Variants in FBXO28 observed in about 807,000 individuals in gnomAD.
FBXO28 encodes the protein F-box protein 28.
In FBXO28, 8 loss-of-function variants were observed where a neutral mutation model predicts 38.1. The ratio of observed to expected loss-of-function variants is 0.21; its 90% CI spans 0.12 to 0.38. The LOEUF (loss-of-function observed/expected upper bound fraction) is 0.38, where lower values mean the gene tolerates loss of function less well. Among genes scored for constraint, FBXO28 ranks in the 10% least tolerant of loss-of-function variants. The pLI, the probability that FBXO28 is intolerant of heterozygous loss-of-function variation, is 1.00. For synonymous variants in FBXO28, 168 were observed against 173.8 expected (o/e 0.97, Z 0.26); for missense variants, 345 against 460.6 (o/e 0.75, Z 2.30).
chr1:224,141,485 AAG>A (rs1323625697), intron 3 of FBXO28, among the ~76,000 whole-genome samples: 50 of 152,038 alleles, frequency 3.3e-4, no homozygotes, highest in Non-Finnish European at 5.6e-4. Flanking sequence ...AAAAAAAAAA[AAG>A]ATGCAATCAT....
In FBXO28 at chr1:224,114,188, G is replaced by A. The variant is rs1168143197; in HGVS notation, c.59G>A (p.Gly20Asp). Residue 20 changes from glycine (G) to aspartate (D), a missense_variant, in exon 1 of 5, where the codon GGC becomes GAC. Around this residue, in one of 6 missense-constraint regions of FBXO28, gnomAD observed 104 missense variants for 82.0 expected, o/e 1.27. Transcript: ENST00000366862. ...AEEGGGGQGD[G>D]GSSLASGSTQ... ...GAAGGAGGCGGCGGCCAAGGCGACGGCGGTTCCTCTTTGGCCTCCGGCTCT... is the reference window on the plus strand; with the variant it reads ...GAAGGAGGCGGCGGCCAAGGCGACGACGGTTCCTCTTTGGCCTCCGGCTCT... The A allele has an allele frequency of 6.5e-7, 1 of 1,547,828 alleles. No homozygotes were observed. Among genetic ancestry groups the A allele is most frequent in the South Asian group, 1.2e-5 (1 of 83,922 alleles).
At chr1:224,127,922 A>G (rs1041904858) in intron 1 of FBXO28, among the ~76,000 whole-genome samples, 2 of 152,126 alleles carry the variant, frequency 1.3e-5, no homozygotes, top group Admixed American at 1.3e-4. Context: ...ACAAACAAAC[A>G]TTATTTATTA....
At chr1:224,132,639 C>T (rs1558190199) in intron 2 of FBXO28, among the ~76,000 whole-genome samples, 1 of 152,016 alleles carries the variant, frequency 6.6e-6, no homozygotes, top group Non-Finnish European at 1.5e-5. Context: ...AACCCAGTCT[C>T]TACTAAAATA....
chr1:224,129,717 C>G (rs573142776), intron 1 of FBXO28, among the ~76,000 whole-genome samples: 1 of 152,090 alleles, frequency 6.6e-6, no homozygotes, highest in Admixed American at 6.6e-5. Flanking sequence ...AGGCTGGGCA[C>G]GGTGGCTCAC....
chr1:224,134,423 AAT>A lies in FBXO28; in HGVS notation c.516+214_516+215del. The A allele has an allele frequency of 7.2e-6, 3 of 415,462 alleles. No individual in the cohort carries two copies. In the South Asian group the frequency reaches 1.1e-4, roughly 15 times the overall value. The allele number at this position is 415,462 out of a possible 1,614,324, so 25.7% of individuals were successfully genotyped here. The stretch of plus-strand genomic sequence containing the variant: ...CTAATTATGAAATAGTCGAAACCCT[AAT>A]ATTCTTTAGAGAAGTTTTTTAAGAG... On this transcript the variant is annotated intron_variant, in intron 3 of 4. Coordinates refer to ENST00000366862, the MANE Select transcript of FBXO28 (RefSeq NM_015176.4).
chr1:224,118,643 AG>A (rs1478499676), intron 1 of FBXO28, among the ~76,000 whole-genome samples: 1 of 152,168 alleles, frequency 6.6e-6, no homozygotes, highest in Non-Finnish European at 1.5e-5. Flanking sequence ...CAAATATGTT[AG>A]AAAATTTTAG....
At chr1:224,146,388 A>C (rs1657504847) in intron 3 of FBXO28, among the ~76,000 whole-genome samples, 1 of 152,156 alleles carries the variant, frequency 6.6e-6, no homozygotes, top group East Asian at 1.9e-4. Flanking sequence ...TGAGAAAAAA[A>C]TGAGCATTTA....
At position 224,130,393 on chromosome 1, in the gene FBXO28, G is replaced by T. The variant is rs1206995941; in HGVS notation, c.268-79G>T. 4.1e-5 allele frequency: 37 copies of T among 898,306 alleles called. 2 individuals carry two copies. In the Admixed American group the frequency reaches 6.8e-4, roughly 16 times the overall value. 55.6% of individuals were successfully genotyped at this position (898,306 alleles called of 1,614,324 possible). A position where few individuals can be genotyped will look rare whatever the true frequency, so the allele number is the denominator to read the frequency against. ...GAGGAATAATAGTGGGATACAGAGA[G>T]CTTTAAGCCATCAGTTATGAGTCTC... On this transcript the variant is annotated intron_variant, in intron 1 of 4. Coordinates refer to ENST00000366862, the MANE Select transcript of FBXO28 (RefSeq NM_015176.4).
At chr1:224,155,610 T>C (rs1657755610) in intron 4 of FBXO28, among the ~76,000 whole-genome samples, 1 of 152,238 alleles carries the variant, frequency 6.6e-6, no homozygotes. Flanking sequence ...TGTCCCTAAC[T>C]CTGGCAAGTA....
chr1:224,138,227 C>CA (rs559462402), intron 3 of FBXO28, among the ~76,000 whole-genome samples: 2,116 of 148,746 alleles, frequency 0.014, 66 homozygotes, highest in African/African-American at 0.041. Context: ...GACCCTGCCA[C>CA]AAAAAAAAAG....
chr1:224,138,288 C>CT (rs1167643819), intron 3 of FBXO28, among the ~76,000 whole-genome samples: 2 of 151,676 alleles, frequency 1.3e-5, no homozygotes, highest in Non-Finnish European at 2.9e-5. Flanking sequence ...AATCAGCAAA[C>CT]TTTTTTTGGT....
chr1:224,152,039 C>A (rs1397559420), intron 3 of FBXO28, among the ~76,000 whole-genome samples: 2 of 131,224 alleles, frequency 1.5e-5, no homozygotes, highest in African/African-American at 2.7e-5. Flanking sequence ...GAGACTCCAT[C>A]TTAAAAAAAA....
chr1:224,137,477 C>G (rs1248101186), intron 3 of FBXO28, among the ~76,000 whole-genome samples: 3 of 151,424 alleles, frequency 2.0e-5, no homozygotes, highest in Non-Finnish European at 4.4e-5. Context: ...GAGCCAAGAT[C>G]ATGCCACTGC....
intron 1 of FBXO28, among the ~76,000 whole-genome samples, chr1:224,125,531 G>A (rs1449019313): frequency 6.6e-6 from 1 of 152,048 alleles, no homozygotes; most frequent in Non-Finnish European, 1.5e-5. Flanking sequence ...TGCAGAAAAT[G>A]ACCAGCCAGC....
rs189638590 is a variant in FBXO28, at chr1:224,139,005, A to C, written c.516+4793A>C. Among the ~76,000 whole-genome samples, 14 of 151,718 alleles carry C rather than the reference A, an allele frequency of 9.2e-5. No homozygotes were observed. The East Asian group carries it at 2.7e-3, about 29-fold the overall frequency. The stretch of plus-strand genomic sequence containing the variant: ...TGACCGTGTTAGCCAGGATGGCCTC[A>C]ATCTCCTGACCTTGTGATGCGCCCA... On this transcript the variant is annotated intron_variant, in intron 3 of 4. Transcript: ENST00000366862.
chr1:224,150,799 C>G (rs528508594), intron 3 of FBXO28, among the ~76,000 whole-genome samples: 1 of 152,278 alleles, frequency 6.6e-6, no homozygotes, highest in South Asian at 2.1e-4. Context: ...TCCTGCCTTT[C>G]CTGATAGAAA....
At chr1:224,153,758 TAAAAATACA>T (rs1657701654) in intron 4 of FBXO28, among the ~76,000 whole-genome samples, 1 of 151,850 alleles carries the variant, frequency 6.6e-6, no homozygotes, top group Non-Finnish European at 1.5e-5. Context: ...CCGTATCTAC[TAAAAATACA>T]AAAATGTGCT....
In FBXO28 at chr1:224,128,856, C is replaced by T. The variant is rs1430207787; in HGVS notation, c.268-1616C>T. On this transcript the variant is annotated intron_variant, in intron 1 of 4. Transcript: ENST00000366862. ...TAAAAATTAGCTGCGCGGGGTGGTG[C>T]ATACCTGTTGTCTCAGCTACTTGGG... Among the ~76,000 whole-genome samples, 4 of 151,796 alleles carry T rather than the reference C, an allele frequency of 2.6e-5. No homozygotes were observed. The East Asian group carries it at 7.8e-4, about 29-fold the overall frequency.
chr1:224,114,427 C>G (rs765249642), intron 1 of FBXO28, 31 bp downstream of exon 1: 4 of 1,480,004 alleles, frequency 2.7e-6, no homozygotes, highest in South Asian at 2.6e-5. Flanking sequence ...CTGCCTCCCT[C>G]TCCCCCCGGC....
Sources: allele counts gnomAD v4.1 joint callset (sites outside exome capture counted in the v4.1 genomes callset), GRCh38; gene constraint gnomAD v4.1.1; regional missense constraint gnomAD v4.1.1; transcripts MANE v1.5; gene names NCBI Gene and HGNC (gene_info 2026-07-23, HGNC 2026-07-21).